The following CAST variants were observed in gnomAD, a reference collection of about 807,000 sequenced individuals.
CAST encodes MIR583 host.
In CAST, 76 loss-of-function variants were observed where a neutral mutation model predicts 119.6. The ratio of observed to expected loss-of-function variants is 0.64; its 90% CI spans 0.53 to 0.77. The LOEUF is 0.77. CAST is among the 30% of genes least tolerant of loss of function. The pLI is 0.00. For synonymous variants in CAST, 319 were observed against 331.6 expected, an observed-to-expected ratio of 0.96 and a Z score of 0.41; for missense variants, 953 against 946.5, an observed-to-expected ratio of 1.01 and a Z score of -0.09.
intron 1 of CAST, among the ~76,000 whole-genome samples, chr5:96,566,509 G>A (rs1746472097): frequency 6.6e-6 from 1 of 152,198 alleles, no homozygotes; most frequent in African/African-American, 2.4e-5. Context: ...AGGTTATAAA[G>A]CAAGAAAGCT....
At chr5:96,423,466 A>G in the CAST span, 2 of 1,613,866 alleles carry the variant, frequency 1.2e-6, no homozygotes, top group Non-Finnish European at 1.7e-6. Context: ...CTTGCTGGTA[A>G]AGAAAAACAA....
the CAST span, among the ~76,000 whole-genome samples, chr5:96,378,997 A>G: frequency 1.3e-5 from 2 of 152,168 alleles, no homozygotes; most frequent in Admixed American, 1.3e-4. Context: ...GTGACCTAAT[A>G]ACATTCCACT....
At chr5:96,231,423 A>G in the CAST span, among the ~76,000 whole-genome samples, 1 of 152,192 alleles carries the variant, frequency 6.6e-6, no homozygotes, top group Admixed American at 6.6e-5. Context: ...AAAACAGAAT[A>G]GAATAAGCAA....
intron 1 of CAST, among the ~76,000 whole-genome samples, chr5:96,650,442 C>T (rs1748076455): frequency 6.6e-6 from 1 of 152,136 alleles, no homozygotes; most frequent in African/African-American, 2.4e-5. Flanking sequence ...ACTTAGGTTT[C>T]AGGTTTGTTG....
At chr5:96,529,153 C>T (rs190658803), upstream of CAST, among the ~76,000 whole-genome samples, 28 of 152,282 alleles carry the variant, frequency 1.8e-4, no homozygotes, top group East Asian at 4.6e-3. Flanking sequence ...ATTCATAATT[C>T]ATTTTAAGCT....
At chr5:96,371,487 T>G in the CAST span, among the ~76,000 whole-genome samples, 1 of 152,230 alleles carries the variant, frequency 6.6e-6, no homozygotes, top group Admixed American at 6.5e-5. Flanking sequence ...TCTTCCTTTC[T>G]TCTTCCAGAA....
At chr5:96,415,156 G>A in the CAST span, among the ~76,000 whole-genome samples, 9 of 152,202 alleles carry the variant, frequency 5.9e-5, no homozygotes, top group Admixed American at 5.9e-4. Flanking sequence ...GGCCCCTGCA[G>A]ATACACTTTC....
intron 1 of CAST, among the ~76,000 whole-genome samples, chr5:96,669,298 T>TA: frequency 6.6e-6 from 1 of 152,322 alleles, no homozygotes; most frequent in African/African-American, 2.4e-5. Context: ...TTGTGGGAAA[T>TA]ACCAATTTGC....
the CAST span, among the ~76,000 whole-genome samples, chr5:96,307,826 T>C: frequency 1.3e-5 from 2 of 152,256 alleles, no homozygotes; most frequent in East Asian, 3.8e-4. Context: ...GATCCACTGC[T>C]AGTCTGATGG....
At chr5:96,305,688 T>C in the CAST span, among the ~76,000 whole-genome samples, 1 of 152,252 alleles carries the variant, frequency 6.6e-6, no homozygotes, top group South Asian at 2.1e-4. Flanking sequence ...GTCGAAGGCC[T>C]TTTCTGCATC....
intron 10 of CAST, among the ~76,000 whole-genome samples, chr5:96,737,202 C>T (rs547434782): frequency 1.3e-5 from 2 of 152,158 alleles, no homozygotes; most frequent in Non-Finnish European, 2.9e-5. Flanking sequence ...TGAGCCAAAC[C>T]ATATCAGTTA....
the CAST span, among the ~76,000 whole-genome samples, chr5:96,344,316 T>C: frequency 1.3e-5 from 2 of 152,192 alleles, no homozygotes; most frequent in Non-Finnish European, 2.9e-5. Context: ...ATGTGTGGAA[T>C]GAATGGATGA....
At chr5:96,410,659 C>A in the CAST span, 1 of 887,286 alleles carries the variant, frequency 1.1e-6, no homozygotes, top group Non-Finnish European at 1.9e-6. Flanking sequence ...GTTCTCCCAA[C>A]TGAGACATCA....
At chr5:96,711,074 C>A (rs1010806194) in intron 3 of CAST, among the ~76,000 whole-genome samples, 3 of 152,170 alleles carry the variant, frequency 2.0e-5, no homozygotes, top group Admixed American at 6.5e-5. Flanking sequence ...TTCTCCAGCC[C>A]TTCTGACAAT....
At chr5:96,237,511 C>T in the CAST span, among the ~76,000 whole-genome samples, 1 of 152,138 alleles carries the variant, frequency 6.6e-6, no homozygotes, top group Admixed American at 6.5e-5. Flanking sequence ...GTTTGAAAAT[C>T]ACCAATTACT....
the CAST span, among the ~76,000 whole-genome samples, chr5:96,359,097 C>T: frequency 3.3e-5 from 5 of 152,210 alleles, no homozygotes; most frequent in African/African-American, 1.2e-4. Context: ...TAATGTTCTT[C>T]TTTGTCTTTT....
chr5:96,159,668 T>A, the CAST span, among the ~76,000 whole-genome samples: 3 of 152,224 alleles, frequency 2.0e-5, no homozygotes, highest in Non-Finnish European at 4.4e-5. Flanking sequence ...TAATTTTTTT[T>A]AGACTCAGCA....
the CAST span, among the ~76,000 whole-genome samples, chr5:95,975,994 CAAGGGCACTTTT>C: frequency 6.6e-6 from 1 of 152,100 alleles, no homozygotes; most frequent in Admixed American, 6.6e-5. Flanking sequence ...TTGTAATCTT[CAAGGGCACTTTT>C]CCTTTCTGGG....
chr5:96,164,235 A>G, the CAST span, among the ~76,000 whole-genome samples: 3 of 152,240 alleles, frequency 2.0e-5, no homozygotes, highest in African/African-American at 7.2e-5. Flanking sequence ...TGTTGTACGT[A>G]AAGAAAGAAT....
Sources: gnomAD v4.1 joint callset for allele counts (sites outside exome capture counted in the v4.1 genomes callset) on GRCh38, gnomAD v4.1.1 for gene constraint, MANE v1.5 for transcripts, NCBI Gene and HGNC (gene_info 2026-07-23, HGNC 2026-07-21) for gene names.